UGT2A1: variants seen among roughly 807,000 people sequenced by gnomAD.
UGT2A1 encodes the protein UDP-glucuronosyltransferase 2A1.
A neutral mutation model predicts 45.4 loss-of-function variants in UGT2A1; 61 were observed. The ratio of observed to expected loss-of-function variants is 1.34; its 90% confidence interval spans 1.09 to 1.66. The LOEUF (loss-of-function observed/expected upper bound fraction) is 1.66, where lower values mean the gene tolerates loss of function less well. UGT2A1 is among the 40% of genes most tolerant of loss of function. The pLI is 0.00. For synonymous variants in UGT2A1, 229 were observed against 196.2 expected, an observed-to-expected ratio of 1.17 and a Z score of -1.40; for missense variants, 649 against 574.3, an observed-to-expected ratio of 1.13 and a Z score of -1.33.
intron 3 of UGT2A1, among the ~76,000 whole-genome samples, chr4:69,630,887 T>G (rs1008188808): frequency 6.6e-6 from 1 of 151,930 alleles, no homozygotes; most frequent in Admixed American, 6.6e-5. Context: ...ATTATATATA[T>G]ACATACATGT....
At chr4:69,646,874 T>C (rs1722282998) in intron 2 of UGT2A1, 56 bp downstream of exon 2, 1 of 1,233,736 alleles carries the variant, frequency 8.1e-7, no homozygotes, top group Middle Eastern at 2.5e-4. Context: ...AAGAAGAGGC[T>C]CTACAAAGGT....
chr4:69,624,219 C>T (rs1720910944), intron 3 of UGT2A1, among the ~76,000 whole-genome samples: 1 of 151,452 alleles, frequency 6.6e-6, no homozygotes, highest in South Asian at 2.1e-4. Flanking sequence ...AACACCTTTA[C>T]TTATAAAATG....
chr4:69,619,481 A>G (rs948806103), intron 3 of UGT2A1, among the ~76,000 whole-genome samples: 13 of 152,058 alleles, frequency 8.5e-5, no homozygotes, highest in South Asian at 4.1e-4. Context: ...GCAGTCTTAC[A>G]TACCCCATAC....
intron 3 of UGT2A1, 58 bp from the exon 4 acceptor site, chr4:69,599,452 A>G: frequency 1.3e-6 from 2 of 1,571,726 alleles, no homozygotes; most frequent in South Asian, 1.2e-5. Flanking sequence ...TGCTGAGGAG[A>G]AAAAAAAGCT....
At chr4:69,620,358 C>T (rs1397186220) in intron 3 of UGT2A1, among the ~76,000 whole-genome samples, 1 of 132,758 alleles carries the variant, frequency 7.5e-6, no homozygotes, top group East Asian at 1.9e-4. Context: ...AGAACCAAAT[C>T]AGGAAGGCAA....
chr4:69,607,738 A>C (rs1023079158), intron 3 of UGT2A1, among the ~76,000 whole-genome samples: 1 of 152,000 alleles, frequency 6.6e-6, no homozygotes, highest in Non-Finnish European at 1.5e-5. Flanking sequence ...AAACAAACAA[A>C]CCCATCAACA....
chr4:69,637,291 G>A (rs1247742174), intron 2 of UGT2A1, among the ~76,000 whole-genome samples: 2 of 151,638 alleles, frequency 1.3e-5, no homozygotes, highest in East Asian at 1.9e-4. Context: ...TTTTATATGT[G>A]GTATATTTAA....
rs1718388045 is a variant in UGT2A1 at position 69,588,596 on chromosome 4, AT to A, written c.*775del. On this transcript the variant is annotated 3_prime_UTR_variant, in exon 7 of 7. Coordinates refer to ENST00000286604, the MANE Select transcript of UGT2A1 (RefSeq NM_001252275.3). ...ATGATAATTATTTTCTAGATTTCTA[AT>A]TGTTATATCCTCTAAATATGATCTG... The A allele has an allele frequency of 1.3e-5, 2 of 152,038 alleles. No homozygotes were observed. Among genetic ancestry groups the A allele is most frequent in the African/African-American group, 4.8e-5 (2 of 41,432 alleles). 9.4% of individuals were successfully genotyped at this position (152,038 alleles called of 1,614,324 possible).
chr4:69,649,795 T>A (rs1160310546), intron 1 of UGT2A1, among the ~76,000 whole-genome samples: 2 of 152,060 alleles, frequency 1.3e-5, no homozygotes, highest in Non-Finnish European at 1.5e-5. Context: ...ACAACATGCC[T>A]GGAGGTGCAC....
intron 3 of UGT2A1, 57 bp from the exon 4 acceptor site, chr4:69,599,451 G>GAAA: frequency 6.4e-7 from 1 of 1,572,600 alleles, no homozygotes; most frequent in Admixed American, 2.1e-5. Context: ...TTGCTGAGGA[G>GAAA]AAAAAAAAGC....
At chr4:69,643,249 G>A (rs1381378621) in intron 2 of UGT2A1, among the ~76,000 whole-genome samples, 2 of 151,340 alleles carry the variant, frequency 1.3e-5, no homozygotes, top group African/African-American at 4.8e-5. Flanking sequence ...GATTTTAAAA[G>A]CTAAACACAT....
chr4:69,639,540 A>C, intron 2 of UGT2A1: 1 of 1,613,288 alleles, frequency 6.2e-7, no homozygotes. Flanking sequence ...TGTAGGCCAA[A>C]TTAACACATT....
At position 69,594,342 on chromosome 4, in the gene UGT2A1, A is replaced by T. The variant is rs181160146; in HGVS notation, c.1304+135T>A. 13 of 1,217,458 alleles carry T rather than the reference A, an allele frequency of 1.1e-5. No homozygotes were observed. The African/African-American group carries it at 1.8e-4, about 17-fold the overall frequency. 75.4% of individuals were successfully genotyped at this position (1,217,458 alleles called of 1,614,324 possible). On this transcript the variant is annotated intron_variant, in intron 6 of 6. Transcript: ENST00000286604. ...AAATCACTTTAGCAGTTTGGCAAAT[A>T]AAATAGTTTTTATATTGGTCAGGTT...
chr4:69,599,408 A>G lies in UGT2A1; in HGVS notation c.848-14T>C. 1.9e-6 allele frequency: 3 copies of G among 1,611,760 alleles called. No individual in the cohort carries two copies. The highest frequency in any genetic ancestry group is 2.5e-6 in the Non-Finnish European group (3 of 1,179,424). ...TAGTGGGTCTTCCTGGAGAAAATGT[A>G]ACAAGTTGGATGGAGGAAATTAGCT... On this transcript the variant is annotated splice_polypyrimidine_tract_variant and intron_variant, in intron 3 of 6. Transcript: ENST00000286604.
At chr4:69,592,414 T>C (rs777931488) in intron 6 of UGT2A1, among the ~76,000 whole-genome samples, 15 of 151,996 alleles carry the variant, frequency 9.9e-5, no homozygotes, top group Non-Finnish European at 1.8e-4. Context: ...AAAATGCATT[T>C]AGGTATTGCA....
At chr4:69,615,891 G>A (rs924966235) in intron 3 of UGT2A1, among the ~76,000 whole-genome samples, 5 of 151,920 alleles carry the variant, frequency 3.3e-5, no homozygotes, top group Admixed American at 6.6e-5. Flanking sequence ...CATATGATCC[G>A]ACAATCACAC....
intron 6 of UGT2A1, 23 bp from the exon 7 acceptor site, chr4:69,589,674 G>T (rs959232605): frequency 7.7e-6 from 12 of 1,567,528 alleles, no homozygotes; most frequent in Non-Finnish European, 1.0e-5. Context: ...TAAATAGGCA[G>T]AAATTAGACA....
intron 6 of UGT2A1, 90 bp downstream of exon 6, chr4:69,594,387 A>G (rs1718781817): frequency 2.7e-6 from 4 of 1,489,768 alleles, no homozygotes; most frequent in Non-Finnish European, 3.6e-6. Context: ...ATTGGAAAAT[A>G]ATTACAAAAG....
chr4:69,606,734 C>T (rs1719648107), intron 3 of UGT2A1, among the ~76,000 whole-genome samples: 1 of 136,802 alleles, frequency 7.3e-6, no homozygotes. Context: ...TCTCAGGATA[C>T]AAAATCAATG....
Sources: gnomAD v4.1 joint callset for allele counts (sites outside exome capture counted in the v4.1 genomes callset) on GRCh38, gnomAD v4.1.1 for gene constraint, MANE v1.5 for transcripts, NCBI Gene and HGNC (gene_info 2026-07-23, HGNC 2026-07-21) for gene names.